Variants in UBE3B observed in about 807,000 individuals in gnomAD.
UBE3B encodes the protein ubiquitin-protein ligase E3B.
In UBE3B, 80 loss-of-function variants were observed where a neutral mutation model predicts 132.3. That is an observed-to-expected ratio of 0.60 (90% CI 0.50 to 0.73). UBE3B has a LOEUF of 0.73. UBE3B is among the 30% of genes least tolerant of loss of function. The probability of loss-of-function intolerance (pLI) is 0.00; values close to 1 mark genes in which losing one functional copy is unlikely to be tolerated. For missense variants in UBE3B, 1,196 were observed against 1,362.5 expected (o/e 0.88, Z 1.92); for synonymous variants, 487 against 520.4 (o/e 0.94, Z 0.87).
At chr12:109,501,583 A>G (rs1227261620) in intron 13 of UBE3B, 49 bp downstream of exon 13, 1 of 1,581,078 alleles carries the variant, frequency 6.3e-7, no homozygotes, top group East Asian at 2.2e-5. Context: ...TGGCTGAAGT[A>G]CAGCTCCTGT....
chr12:109,530,082 G>T lies in UBE3B; in HGVS notation c.2810+10G>T. 1 of 1,612,426 alleles carries T rather than the reference G, an allele frequency of 6.2e-7. No individual in the cohort carries two copies. The highest frequency in any genetic ancestry group is 1.1e-5 in the South Asian group (1 of 91,054). ...ATCTGGAAGATTTAAAGTAAGAGGC[G>T]GGTGGGGGGAAGGGTGAAATTCCTT... On this transcript the variant is annotated intron_variant, in intron 25 of 27. Coordinates refer to ENST00000342494, the MANE Select transcript of UBE3B (RefSeq NM_130466.4).
intron 19 of UBE3B, among the ~76,000 whole-genome samples, chr12:109,518,618 C>G: frequency 6.6e-6 from 1 of 152,184 alleles, no homozygotes; most frequent in East Asian, 1.9e-4. Flanking sequence ...CAGACGTGGC[C>G]AGCACCCACC....
In UBE3B at chr12:109,483,604, A is replaced by G; in HGVS notation, c.53A>G (p.Gln18Arg). 1.2e-6 allele frequency: 2 copies of G among 1,612,134 alleles called. No individual in the cohort carries two copies. Among genetic ancestry groups the G allele is most frequent in the South Asian group, 1.1e-5 (1 of 90,712 alleles). Residue 18 changes from glutamine to arginine, a missense_variant, in exon 3 of 28, where the codon CAG becomes CGG. Coordinates refer to ENST00000342494, the MANE Select transcript of UBE3B (RefSeq NM_130466.4). ...SRAWFIDRARQAREERLVQKE... is the reference protein window; with the variant it reads ...SRAWFIDRARRAREERLVQKE... The stretch of plus-strand genomic sequence containing the variant: ...GCATGGTTCATCGATAGAGCCCGTC[A>G]GGCACGAGAAGAAAGGCTTGTGCAG...
chr12:109,540,974 C>T (rs1883598158), downstream of UBE3B, among the ~76,000 whole-genome samples: 1 of 152,232 alleles, frequency 6.6e-6, no homozygotes, highest in Admixed American at 6.5e-5. Context: ...CTCTCCTCCT[C>T]TTGGGCCACA....
chr12:109,501,349 G>A lies in UBE3B; in HGVS notation c.1119-22G>A, dbSNP rs1194580307. The A allele has an allele frequency of 1.9e-6, 3 of 1,613,140 alleles. No individual in the cohort carries two copies. The African/African-American group carries it at 4.0e-5, about 22-fold the overall frequency. On this transcript the variant is annotated intron_variant, in intron 12 of 27. Coordinates refer to ENST00000342494, the MANE Select transcript of UBE3B (RefSeq NM_130466.4). The stretch of plus-strand genomic sequence containing the variant: ...TGCATCAGATGGAACTGACAGACCA[G>A]GTCTCCTCTGCTCTCTCCTAGCCTT...
chr12:109,503,504 GA>G (rs1879264515), intron 14 of UBE3B, among the ~76,000 whole-genome samples: 1 of 151,498 alleles, frequency 6.6e-6, no homozygotes, highest in South Asian at 2.1e-4. Flanking sequence ...AAAGGAAAAA[GA>G]AAACCACTTT....
chr12:109,482,846 G>T (rs1002997746), intron 2 of UBE3B, among the ~76,000 whole-genome samples: 3 of 152,200 alleles, frequency 2.0e-5, no homozygotes, highest in African/African-American at 7.2e-5. Context: ...GTCTTCACTG[G>T]TCCTTGGCAG....
At chr12:109,499,162 C>T (rs1042268614) in intron 11 of UBE3B, among the ~76,000 whole-genome samples, 6 of 152,150 alleles carry the variant, frequency 3.9e-5, no homozygotes, top group Non-Finnish European at 8.8e-5. Flanking sequence ...ACACGAGTGA[C>T]GTTGACTAAC....
In UBE3B at chr12:109,486,086, G is replaced by A; in HGVS notation, c.342+15G>A. ...ATGAGCCTAAGGTAAGTGGACGGGA[G>A]CCGCAGTGTCTCCCACAAGCTCTTA... On this transcript the variant is annotated intron_variant, in intron 5 of 27. Transcript: ENST00000342494. 1 of 1,556,824 alleles carries A rather than the reference G, an allele frequency of 6.4e-7. No homozygotes were observed.
rs1199854534 is a variant in UBE3B, at chr12:109,534,021, G to A, written c.3015+463G>A. On this transcript the variant is annotated intron_variant, in intron 27 of 27. Transcript: ENST00000342494. This position sits in a 1 kb window ranked among gnomAD's most constrained non-coding sequence, Gnocchi z 5.2. Reference sequence around the variant, plus strand: ...GAAGGAAAGCCTTCAGGGTTACGGAGCTCTGTGTGTCTCAAGCCTGGCCCA... The same window carrying A: ...GAAGGAAAGCCTTCAGGGTTACGGAACTCTGTGTGTCTCAAGCCTGGCCCA... The A allele has an allele frequency of 2.3e-6, 3 of 1,295,194 alleles. No individual in the cohort carries two copies. The highest frequency in any genetic ancestry group is 3.0e-6 in the Non-Finnish European group (3 of 993,218). 80.2% of individuals were successfully genotyped at this position (1,295,194 alleles called of 1,614,324 possible). A position where few individuals can be genotyped will look rare whatever the true frequency, so the allele number is the denominator to read the frequency against.
intron 19 of UBE3B, among the ~76,000 whole-genome samples, chr12:109,517,573 A>T (rs1014172320): frequency 2.6e-5 from 4 of 152,186 alleles, no homozygotes; most frequent in African/African-American, 9.6e-5. Flanking sequence ...TGTCTGTGTT[A>T]TCCATGCCAC....
At position 109,517,036 on chromosome 12, in the gene UBE3B, G is replaced by A; in HGVS notation, c.2076+152G>A. ...GAGCAGGAAAGGGGTCATTTGTCCT[G>A]TTGACTGCTCTGAACAGCTGCTTGG... On this transcript the variant is annotated intron_variant, in intron 19 of 27. Transcript: ENST00000342494. 3 of 1,239,268 alleles carry A rather than the reference G, an allele frequency of 2.4e-6. No individual in the cohort carries two copies. In the East Asian group the frequency reaches 7.8e-5, roughly 32 times the overall value. 76.8% of individuals were successfully genotyped at this position (1,239,268 alleles called of 1,614,324 possible). A position where few individuals can be genotyped will look rare whatever the true frequency, so the allele number is the denominator to read the frequency against.
In UBE3B at chr12:109,529,900, A is replaced by G. The variant is rs1409523761; in HGVS notation, c.2638A>G (p.Ile880Val). 1 of 1,614,242 alleles carries G rather than the reference A, an allele frequency of 6.2e-7. No individual in the cohort carries two copies. Among genetic ancestry groups the G allele is most frequent in the Non-Finnish European group, 8.5e-7 (1 of 1,180,046 alleles). ...CCTTGTTGGCAACAGAATTAGCTAC[A>G]TCCATCTGATGGCACATTTTCGAAT... is the stretch of plus-strand genomic sequence containing the variant. ...PVTNENKISY[I>V]HLMAHFRMHT... Residue 880 changes from isoleucine to valine, a missense_variant, in exon 25 of 28, where the codon ATC becomes GTC. Physicochemically the swap from Ile to Val is conservative, Grantham distance 29. Coordinates refer to ENST00000342494, the MANE Select transcript of UBE3B (RefSeq NM_130466.4).
chr12:109,501,344 G>T, intron 12 of UBE3B, 27 bp from the exon 13 acceptor site: 1 of 1,612,838 alleles, frequency 6.2e-7, no homozygotes. Flanking sequence ...GGAACTGACA[G>T]ACCAGGTCTC....
rs1164720633 is a variant in UBE3B, at chr12:109,510,364, T to G, written c.1762T>G (p.Leu588Val). Residue 588 changes from leucine to valine, a missense_variant, in exon 17 of 28, where the codon TTG (leucine) becomes GTG (valine). By Grantham distance (32) the Leu-to-Val change is conservative. Transcript: ENST00000342494. ...GIVENAKGET[L>V]ELFQSVHGWL... ...CACAGAGAACGCCAAGGGTGAGACC[T>G]TGGAGCTGTTCCAGTCTGTCCACGG... 4 of 1,610,468 alleles carry G rather than the reference T, an allele frequency of 2.5e-6. No homozygotes were observed. In the Admixed American group the frequency reaches 6.7e-5, roughly 27 times the overall value.
In UBE3B at chr12:109,501,455, C is replaced by A. The variant is rs990244932; in HGVS notation, c.1203C>A (p.Ile401=). The A allele has an allele frequency of 3.7e-6, 6 of 1,614,058 alleles. No homozygotes were observed. Among genetic ancestry groups the A allele is most frequent in the Admixed American group, 3.3e-5 (2 of 60,006 alleles). ...VPLIRIFFCD[I]LSKKLLESQE... Reference sequence around the variant, plus strand: ...TGATCCGGATCTTCTTCTGTGACATCCTGAGCAAGAAGCTACTGGAGAGCC... The same window carrying A: ...TGATCCGGATCTTCTTCTGTGACATACTGAGCAAGAAGCTACTGGAGAGCC... The change falls in exon 13 of 28, where the codon ATC becomes ATA. Residue 401 remains isoleucine, a synonymous_variant. Transcript: ENST00000342494.
intron 25 of UBE3B, 51 bp downstream of exon 25, chr12:109,530,123 C>CA: frequency 6.2e-7 from 1 of 1,604,212 alleles, no homozygotes; most frequent in Non-Finnish European, 8.5e-7. Context: ...CCCAGAAAGC[C>CA]AGCTGCTCCC....
chr12:109,542,725 C>T, the UBE3B span, among the ~76,000 whole-genome samples: 4 of 152,302 alleles, frequency 2.6e-5, no homozygotes, highest in South Asian at 8.3e-4. Context: ...CAGCCATCAC[C>T]CATAGCCAGG....
Position 109,490,809 on chromosome 12 carries a change from G to GT in UBE3B, c.631-229dup, listed in dbSNP as rs991108787. On this transcript the variant is annotated intron_variant, in intron 8 of 27. Transcript: ENST00000342494. Reference sequence around the variant, plus strand: ...ATAAAAACACTGCATACGGTTTTTTGTTTTTTTGTTTTTTTGTTTTTTTTT... The same window carrying GT: ...ATAAAAACACTGCATACGGTTTTTTGTTTTTTTTGTTTTTTTGTTTTTTTTT... The GT allele has an allele frequency of 7.6e-4, 934 of 1,235,548 alleles. 1 individual carries two copies. Among genetic ancestry groups the GT allele is most frequent in the Admixed American group, 9.5e-4 (29 of 30,458 alleles). The allele number at this position is 1,235,548 out of a possible 1,614,324, so 76.5% of individuals were successfully genotyped here.
Sources: allele counts gnomAD v4.1 joint callset (sites outside exome capture counted in the v4.1 genomes callset), GRCh38; gene constraint gnomAD v4.1.1; non-coding constraint Gnocchi (gnomAD v3.1); transcripts MANE v1.5; gene names NCBI Gene and HGNC (gene_info 2026-07-23, HGNC 2026-07-21).